Variants in RPTOR observed in about 807,000 individuals in gnomAD.
The protein encoded by RPTOR is regulatory associated protein of MTOR complex 1.
A neutral mutation model predicts 169.9 loss-of-function variants in RPTOR; 21 were observed. That is an observed-to-expected ratio of 0.12 (90% CI 0.09 to 0.18). The LOEUF (loss-of-function observed/expected upper bound fraction) is 0.18, where lower values mean the gene tolerates loss of function less well. Among genes scored for constraint, RPTOR ranks in the 10% least tolerant of loss-of-function variants. RPTOR has a pLI of 1.00. For missense variants in RPTOR, 1,133 were observed against 1,855.9 expected, an observed-to-expected ratio of 0.61 and a Z score of 7.16; for synonymous variants, 732 against 753.2, an observed-to-expected ratio of 0.97 and a Z score of 0.46.
intron 5 of RPTOR, among the ~76,000 whole-genome samples, chr17:80,737,563 C>T (rs956240419): frequency 6.6e-6 from 1 of 152,170 alleles, no homozygotes; most frequent in Non-Finnish European, 1.5e-5. Flanking sequence ...CCACTCCAGG[C>T]TTGGGCATGG....
intron 6 of RPTOR, among the ~76,000 whole-genome samples, chr17:80,775,984 C>G (rs2066888317): frequency 6.6e-6 from 1 of 152,120 alleles, no homozygotes; most frequent in African/African-American, 2.4e-5. Context: ...TCATTTCCCT[C>G]TCATAAAATT....
At chr17:80,798,443 G>A (rs955421263) in intron 7 of RPTOR, among the ~76,000 whole-genome samples, 4 of 152,116 alleles carry the variant, frequency 2.6e-5, no homozygotes, top group African/African-American at 9.7e-5. Flanking sequence ...TTCCTAAAAT[G>A]CAGTGATCAA....
chr17:80,930,601 G>A (rs942218329), intron 24 of RPTOR, among the ~76,000 whole-genome samples: 1 of 151,072 alleles, frequency 6.6e-6, no homozygotes, highest in African/African-American at 2.4e-5. Context: ...TAAAATGGGT[G>A]CTTCCTGTTC....
At chr17:80,718,136 T>A (rs543669965) in intron 4 of RPTOR, among the ~76,000 whole-genome samples, 1 of 152,368 alleles carries the variant, frequency 6.6e-6, no homozygotes, top group South Asian at 2.1e-4. Context: ...TGTGTACAGC[T>A]CATGGTGCCC....
intron 4 of RPTOR, among the ~76,000 whole-genome samples, chr17:80,712,516 TA>T (rs2066203644): frequency 1.3e-5 from 2 of 152,238 alleles, no homozygotes. Context: ...TTTTTACAAT[TA>T]CTGAGCAATA....
rs2143203539 is a variant in RPTOR at position 80,730,505 on chromosome 17, G to A, written c.508-55G>A. Reference sequence around the variant, plus strand: ...TTTTGTAACGGTGCAGTACTCACCAGCAGCCCATATTCCTGAGACGCACAT... The same window carrying A: ...TTTTGTAACGGTGCAGTACTCACCAACAGCCCATATTCCTGAGACGCACAT... On this transcript the variant is annotated intron_variant, in intron 4 of 33. Coordinates refer to ENST00000306801, the MANE Select transcript of RPTOR (RefSeq NM_020761.3). The surrounding 1 kb of genome is among the most constrained non-coding windows in gnomAD (Gnocchi z 4.2). 6.3e-7 allele frequency: 1 copy of A among 1,594,366 alleles called. No homozygotes were observed. The highest frequency in any genetic ancestry group is 8.6e-7 in the Non-Finnish European group (1 of 1,163,906).
In RPTOR at chr17:80,609,321, ATAT is replaced by A. The variant is rs1465292084; in HGVS notation, c.163-16368_163-16366del. ...ACTGCAGTAAACGTTCTAGCTGTTA[ATAT>A]TCTTCCTTCTGGCAGATGGTGGGTT... On this transcript the variant is annotated intron_variant, in intron 1 of 33. Coordinates refer to ENST00000306801, the MANE Select transcript of RPTOR (RefSeq NM_020761.3). This position sits in a 1 kb window ranked among gnomAD's most constrained non-coding sequence, Gnocchi z 4.8. 6.6e-5 allele frequency among the ~76,000 whole-genome samples: 10 copies of A among 152,248 alleles called. No homozygotes were observed. Among genetic ancestry groups the A allele is most frequent in the Non-Finnish European group, 1.5e-5 (1 of 68,048 alleles).
At chr17:80,918,454 C>T (rs1322032823) in intron 21 of RPTOR, among the ~76,000 whole-genome samples, 2 of 146,506 alleles carry the variant, frequency 1.4e-5, no homozygotes, top group Non-Finnish European at 3.0e-5. Flanking sequence ...GAGTCATAGC[C>T]ACGAGCACCC....
chr17:80,683,814 G>A (rs1011106809), intron 3 of RPTOR, among the ~76,000 whole-genome samples: 1 of 152,072 alleles, frequency 6.6e-6, no homozygotes, highest in Non-Finnish European at 1.5e-5. Context: ...TTGCTTTCAG[G>A]CACGACAAGG....
intron 4 of RPTOR, among the ~76,000 whole-genome samples, chr17:80,709,839 G>C (rs1395691141): frequency 6.6e-6 from 1 of 152,188 alleles, no homozygotes; most frequent in African/African-American, 2.4e-5. Flanking sequence ...TCTCTCTGCA[G>C]TGGGTTGCCT....
In RPTOR at chr17:80,545,461, A is replaced by G; in HGVS notation, c.-169A>G. On this transcript the variant is annotated 5_prime_UTR_variant, in exon 1 of 34. In the 5' UTR this introduces an upstream ATG that the reference lacks. Transcript: ENST00000306801. The stretch of plus-strand genomic sequence containing the variant: ...CCACTTCCCGCTCAGAGTTAGAGAT[A>G]AGGATCTCAGACTTTTGCCTGAGTA... 3 of 525,834 alleles carry G rather than the reference A, an allele frequency of 5.7e-6. No individual in the cohort carries two copies. The highest frequency in any genetic ancestry group is 6.7e-6 in the Non-Finnish European group (2 of 298,480). The allele number at this position is 525,834 out of a possible 1,614,324, so 32.6% of individuals were successfully genotyped here. A position where few individuals can be genotyped will look rare whatever the true frequency, so the allele number is the denominator to read the frequency against.
chr17:80,728,374 A>G (rs1328539458), intron 4 of RPTOR, among the ~76,000 whole-genome samples: 1 of 151,992 alleles, frequency 6.6e-6, no homozygotes, highest in African/African-American at 2.4e-5. Flanking sequence ...TTGCTTAATT[A>G]AGGCCTTTCA....
At chr17:80,729,724 A>G (rs967212302) in intron 4 of RPTOR, among the ~76,000 whole-genome samples, 1 of 152,368 alleles carries the variant, frequency 6.6e-6, no homozygotes, top group East Asian at 1.9e-4. Flanking sequence ...GCCAACTCTT[A>G]GAGCTCCCCT....
chr17:80,884,958 G>A (rs775944938), intron 16 of RPTOR, 50 bp from the exon 17 acceptor site: 80 of 1,574,576 alleles, frequency 5.1e-5, no homozygotes, highest in Non-Finnish European at 6.7e-5. Context: ...AAGGCAGGCT[G>A]CAGCATGGCC....
At chr17:80,917,363 C>T (rs2068687100) in intron 21 of RPTOR, among the ~76,000 whole-genome samples, 1 of 152,154 alleles carries the variant, frequency 6.6e-6, no homozygotes, top group South Asian at 2.1e-4. Flanking sequence ...ATCCACCTGT[C>T]TCGGCCTCCC....
rs139218203 is a variant in RPTOR, at chr17:80,694,695, C to A, written c.349-13146C>A. 2.3e-3 allele frequency among the ~76,000 whole-genome samples: 356 copies of A among 152,268 alleles called. 1 individual carries two copies. The highest frequency in any genetic ancestry group is 8.3e-3 in the African/African-American group (343 of 41,554). ...ACTTAAGTAAGGAGGAGTGATTTTC[C>A]CGAGGAGATGTGGTATTGGTCGGAG... On this transcript the variant is annotated intron_variant, in intron 3 of 33. Transcript: ENST00000306801.
intron 21 of RPTOR, among the ~76,000 whole-genome samples, chr17:80,917,020 A>C (rs2068681314): frequency 6.6e-6 from 1 of 152,090 alleles, no homozygotes; most frequent in African/African-American, 2.4e-5. Context: ...ATAAAGATTG[A>C]GATATCCAGG....
rs1300199324 is a variant in RPTOR at position 80,960,004 on chromosome 17, C to T, written c.3478-74C>T. On this transcript the variant is annotated intron_variant, in intron 29 of 33. Coordinates refer to ENST00000306801, the MANE Select transcript of RPTOR (RefSeq NM_020761.3). The surrounding 1 kb of genome is among the most constrained non-coding windows in gnomAD (Gnocchi z 4.8). ...CAGCCAGGCAGGCAGCAAGAGGGGT[C>T]CTGGCGCTGCAGGACAGCAGGGAGG... The T allele has an allele frequency of 2.5e-6, 4 of 1,583,348 alleles. No homozygotes were observed. The highest frequency in any genetic ancestry group is 3.4e-6 in the Non-Finnish European group (4 of 1,160,376).
In RPTOR at chr17:80,796,056, G is replaced by A. The variant is rs557182244; in HGVS notation, c.890+4547G>A. 1.2e-4 allele frequency among the ~76,000 whole-genome samples: 19 copies of A among 152,324 alleles called. 1 individual carries two copies. The highest frequency in any genetic ancestry group is 6.2e-4 in the South Asian group (3 of 4,830). ...CACAGTTAGAGAGAGATGGCAAGGC[G>A]CCAGAGAGGCCGTGCTCTCGAGGCC... On this transcript the variant is annotated intron_variant, in intron 7 of 33. Coordinates refer to ENST00000306801, the MANE Select transcript of RPTOR (RefSeq NM_020761.3).
Sources: allele counts gnomAD v4.1 joint callset (sites outside exome capture counted in the v4.1 genomes callset), GRCh38; gene constraint gnomAD v4.1.1; non-coding constraint Gnocchi (gnomAD v3.1); transcripts MANE v1.5; gene names NCBI Gene and HGNC (gene_info 2026-07-23, HGNC 2026-07-21).